HDAC9: variants seen among roughly 807,000 people sequenced by gnomAD.
HDAC9 encodes histone deacetylase 9, also known as MEF-2 interacting transcription repressor (MITR) protein.
Under a neutral mutation model 139.4 loss-of-function variants are expected in HDAC9, and 41 were observed. That is an observed-to-expected ratio of 0.29 (90% CI 0.23 to 0.38). The LOEUF is 0.38. Ranked by LOEUF, HDAC9 falls within the 10% of genes least tolerant of loss-of-function variation. The pLI, the probability that HDAC9 is intolerant of heterozygous loss-of-function variation, is 1.00. For missense variants in HDAC9, 1,147 were observed against 1,297.0 expected (o/e 0.88, Z 1.78); for synonymous variants, 517 against 476.2 (o/e 1.09, Z -1.12).
intron 12 of HDAC9, chr7:18,667,901 G>A: frequency 1.0e-6 from 1 of 982,586 alleles, no homozygotes; most frequent in Non-Finnish European, 1.2e-6. Context: ...AAGGTTCGTT[G>A]TATTAAGACC....
chr7:18,902,545 AAGC>A (rs1401205920), intron 22 of HDAC9, among the ~76,000 whole-genome samples: 1 of 152,224 alleles, frequency 6.6e-6, no homozygotes, highest in Non-Finnish European at 1.5e-5. Context: ...AATGAAGATA[AAGC>A]AGTTTTGAGA....
At chr7:18,154,085 T>C (rs1413513393) in intron 1 of HDAC9, among the ~76,000 whole-genome samples, 3 of 152,246 alleles carry the variant, frequency 2.0e-5, no homozygotes, top group Non-Finnish European at 2.9e-5. Flanking sequence ...ATCTATACAA[T>C]ATCCGGGGAA....
At chr7:18,912,464 G>A (rs1424608403) in intron 22 of HDAC9, among the ~76,000 whole-genome samples, 3 of 152,058 alleles carry the variant, frequency 2.0e-5, no homozygotes, top group Non-Finnish European at 4.4e-5. Context: ...AATATGTTAT[G>A]CATTGAATTA....
At chr7:18,259,056 G>A (rs56120332) in intron 2 of HDAC9, among the ~76,000 whole-genome samples, 2 of 138,178 alleles carry the variant, frequency 1.4e-5, no homozygotes, top group South Asian at 2.3e-4. Context: ...TGCAACCTCC[G>A]CCTCCTGGGT....
intron 17 of HDAC9, among the ~76,000 whole-genome samples, chr7:18,799,212 CAT>C (rs1793085796): frequency 6.6e-6 from 1 of 152,078 alleles, no homozygotes; most frequent in African/African-American, 2.4e-5. Flanking sequence ...GCATATAAAA[CAT>C]AGAACACAGA....
chr7:18,207,642 G>T (rs918279620), intron 2 of HDAC9, among the ~76,000 whole-genome samples: 2 of 143,164 alleles, frequency 1.4e-5, no homozygotes, highest in Non-Finnish European at 3.0e-5. Context: ...TGCCACACAC[G>T]TGTGCATGCA....
chr7:18,538,950 C>T (rs1811799407), intron 2 of HDAC9, among the ~76,000 whole-genome samples: 1 of 152,288 alleles, frequency 6.6e-6, no homozygotes, highest in Non-Finnish European at 1.5e-5. Flanking sequence ...GAGGCTATCA[C>T]ATGATGAGAG....
chr7:18,801,235 T>C (rs1274700188), intron 17 of HDAC9, among the ~76,000 whole-genome samples: 4 of 152,132 alleles, frequency 2.6e-5, no homozygotes, highest in Admixed American at 6.5e-5. Context: ...CTACAGGCTA[T>C]TGTAAATATT....
chr7:18,594,138 A>G, intron 6 of HDAC9, 109 bp downstream of exon 6: 1 of 1,080,874 alleles, frequency 9.3e-7, no homozygotes, highest in Non-Finnish European at 1.4e-6. Context: ...TAGATAATAT[A>G]CCTCCCCACC....
At chr7:18,205,124 A>G (rs901291929) in intron 2 of HDAC9, among the ~76,000 whole-genome samples, 5 of 151,846 alleles carry the variant, frequency 3.3e-5, no homozygotes, top group African/African-American at 1.2e-4. Context: ...TTTTCCTCAA[A>G]TTACTAGCCA....
chr7:18,704,755 C>G (rs2129107020), intron 12 of HDAC9, among the ~76,000 whole-genome samples: 1 of 152,234 alleles, frequency 6.6e-6, no homozygotes, highest in East Asian at 1.9e-4. Context: ...TATACACAGA[C>G]TTGATAATAA....
At chr7:18,717,800 T>A (rs894992888) in intron 12 of HDAC9, among the ~76,000 whole-genome samples, 1 of 152,100 alleles carries the variant, frequency 6.6e-6, no homozygotes, top group Non-Finnish European at 1.5e-5. Flanking sequence ...ATATACAAAC[T>A]ATATAATGTA....
chr7:18,840,512 T>C (rs1280288084), intron 21 of HDAC9, among the ~76,000 whole-genome samples: 2 of 152,040 alleles, frequency 1.3e-5, no homozygotes, highest in African/African-American at 2.4e-5. Context: ...TGGGGGTTAT[T>C]ATTGAAAACT....
intron 2 of HDAC9, among the ~76,000 whole-genome samples, chr7:18,523,898 C>T (rs1329373243): frequency 6.7e-6 from 1 of 150,338 alleles, no homozygotes; most frequent in African/African-American, 2.5e-5. Context: ...CCTCCCCCAC[C>T]TCCCCCTCCC....
At chr7:18,678,553 C>T (rs933522526) in intron 12 of HDAC9, among the ~76,000 whole-genome samples, 1 of 151,730 alleles carries the variant, frequency 6.6e-6, no homozygotes, top group African/African-American at 2.4e-5. Flanking sequence ...CTGTACACAT[C>T]TTTTCTTCCT....
At chr7:18,477,526 T>A (rs1586174911) in intron 1 of HDAC9, among the ~76,000 whole-genome samples, 1 of 152,188 alleles carries the variant, frequency 6.6e-6, no homozygotes, top group African/African-American at 2.4e-5. Context: ...CCAAATTGTT[T>A]CCATATGGTG....
intron 2 of HDAC9, among the ~76,000 whole-genome samples, chr7:18,274,295 G>C (rs1346598788): frequency 6.6e-6 from 1 of 152,100 alleles, no homozygotes; most frequent in Non-Finnish European, 1.5e-5. Context: ...GTCTGCATCT[G>C]GTGAGGTCCT....
At chr7:18,185,684 G>C (rs891234287) in intron 2 of HDAC9, among the ~76,000 whole-genome samples, 10 of 151,886 alleles carry the variant, frequency 6.6e-5, no homozygotes, top group African/African-American at 2.4e-4. Flanking sequence ...TTAAATCTCA[G>C]CTATGGGCCT....
At chr7:18,359,279 C>T (rs1036217520) in intron 1 of HDAC9, among the ~76,000 whole-genome samples, 1 of 152,070 alleles carries the variant, frequency 6.6e-6, no homozygotes, top group African/African-American at 2.4e-5. Flanking sequence ...ACCTGGGAGG[C>T]AGAGGTTGCA....
Sources: allele counts gnomAD v4.1 joint callset (sites outside exome capture counted in the v4.1 genomes callset), GRCh38; gene constraint gnomAD v4.1.1; transcripts MANE v1.5; gene names NCBI Gene and HGNC (gene_info 2026-07-23, HGNC 2026-07-21).